CDH4: variants seen among roughly 807,000 people sequenced by gnomAD.
The protein encoded by CDH4 is cadherin 4.
CDH4 carries 33 observed loss-of-function variants against 86.0 expected under a neutral mutation model. The observed-to-expected ratio is 0.38, with a 90% CI of 0.29 to 0.51. CDH4 has a LOEUF of 0.51. CDH4 is among the 20% of genes least tolerant of loss of function. The pLI, the probability that CDH4 is intolerant of heterozygous loss-of-function variation, is 0.86. For missense variants in CDH4, 1,114 were observed against 1,307.4 expected (o/e 0.85, Z 2.28); for synonymous variants, 555 against 549.4 (o/e 1.01, Z -0.14).
At chr20:61,731,542 G>A (rs1341657916) in intron 2 of CDH4, among the ~76,000 whole-genome samples, 1 of 152,220 alleles carries the variant, frequency 6.6e-6, no homozygotes, top group Non-Finnish European at 1.5e-5. Flanking sequence ...AGAGGCTTCA[G>A]GGCAGCCTCA....
rs1251572081 is a variant in CDH4, at chr20:61,709,138, G to C, written c.170-34425G>C. Among the ~76,000 whole-genome samples, 2 of 152,292 alleles carry C rather than the reference G, an allele frequency of 1.3e-5. No individual in the cohort carries two copies. The highest frequency in any genetic ancestry group is 2.4e-5 in the African/African-American group (1 of 41,574). ...CCAGTGGCGTAGCGGCCGCCCAAAT[G>C]ATGAGCCCACAACGCACCTGCCCCT... On this transcript the variant is annotated intron_variant, in intron 2 of 15. Transcript: ENST00000614565. The surrounding 1 kb of genome is among the most constrained non-coding windows in gnomAD (Gnocchi z 4.8).
chr20:61,629,541 G>C (rs1204857352), intron 2 of CDH4, among the ~76,000 whole-genome samples: 1 of 152,224 alleles, frequency 6.6e-6, no homozygotes, highest in Non-Finnish European at 1.5e-5. Context: ...TTTAATTATT[G>C]ATATTTCTTT....
At chr20:61,593,005 G>C (rs2086529146) in intron 2 of CDH4, among the ~76,000 whole-genome samples, 1 of 152,148 alleles carries the variant, frequency 6.6e-6, no homozygotes, top group Admixed American at 6.5e-5. Flanking sequence ...TTATAGGAGG[G>C]GGGCAGGAGG....
chr20:61,824,360 CAA>C (rs559612224), intron 4 of CDH4, among the ~76,000 whole-genome samples: 22 of 113,340 alleles, frequency 1.9e-4, no homozygotes, highest in Admixed American at 9.7e-4. Flanking sequence ...GATAAAAATA[CAA>C]AAAAAAAAAA....
At chr20:61,892,388 C>T (rs1274221164) in intron 7 of CDH4, among the ~76,000 whole-genome samples, 1 of 152,230 alleles carries the variant, frequency 6.6e-6, no homozygotes, top group Non-Finnish European at 1.5e-5. Flanking sequence ...ATGGATGAGA[C>T]AGCCATGGCC....
intron 7 of CDH4, among the ~76,000 whole-genome samples, chr20:61,884,869 T>C (rs957072434): frequency 6.6e-6 from 1 of 152,082 alleles, no homozygotes; most frequent in Non-Finnish European, 1.5e-5. Flanking sequence ...GGACTCAGCC[T>C]GTAGCGGGAG....
intron 4 of CDH4, among the ~76,000 whole-genome samples, chr20:61,839,619 G>A (rs1040301672): frequency 1.3e-5 from 2 of 151,604 alleles, no homozygotes; most frequent in Non-Finnish European, 2.9e-5. Context: ...GTGTGTTTGT[G>A]TACTGTGTGC....
chr20:61,353,535 AC>A (rs2084725521), intron 2 of CDH4, among the ~76,000 whole-genome samples: 1 of 135,606 alleles, frequency 7.4e-6, no homozygotes, highest in South Asian at 2.6e-4. Context: ...ATTCCACAGC[AC>A]TGAGAGTGGA....
At chr20:61,583,686 C>T (rs1034600670) in intron 2 of CDH4, among the ~76,000 whole-genome samples, 1 of 152,200 alleles carries the variant, frequency 6.6e-6, no homozygotes, top group South Asian at 2.1e-4. Flanking sequence ...TCCTTCGTTC[C>T]CTCCTCGTTT....
chr20:61,500,186 C>T (rs558901451), intron 2 of CDH4, among the ~76,000 whole-genome samples: 2 of 152,160 alleles, frequency 1.3e-5, no homozygotes, highest in Admixed American at 6.5e-5. Context: ...GTTCATACTA[C>T]TGTTGTGTTT....
At chr20:61,859,665 C>T (rs571152202) in intron 6 of CDH4, among the ~76,000 whole-genome samples, 7 of 152,372 alleles carry the variant, frequency 4.6e-5, no homozygotes, top group African/African-American at 7.2e-5. Flanking sequence ...GTCCTCCCTC[C>T]GGTGAATTGC....
chr20:61,572,999 C>A (rs113711794), intron 2 of CDH4, among the ~76,000 whole-genome samples: 1 of 139,298 alleles, frequency 7.2e-6, no homozygotes. Flanking sequence ...GACGGACGGA[C>A]GGATGGATGG....
intron 2 of CDH4, among the ~76,000 whole-genome samples, chr20:61,394,871 C>T (rs6089249): frequency 7.3e-6 from 1 of 137,888 alleles, no homozygotes; most frequent in East Asian, 2.1e-4. Flanking sequence ...GGCCATGGGG[C>T]TGTGAGCCCT....
chr20:61,929,955 G>C, intron 13 of CDH4, 113 bp downstream of exon 13: 4 of 781,864 alleles, frequency 5.1e-6, no homozygotes, highest in Non-Finnish European at 8.5e-6. Context: ...TCATCTCTCA[G>C]CCTCATCTGT....
chr20:61,553,749 G>A (rs982621818), intron 2 of CDH4, among the ~76,000 whole-genome samples: 13 of 152,340 alleles, frequency 8.5e-5, no homozygotes, highest in Admixed American at 5.2e-4. Context: ...AGAGGGAACT[G>A]TAACTTCTTC....
chr20:61,486,729 A>AG (rs2085598803), intron 2 of CDH4, among the ~76,000 whole-genome samples: 1 of 151,742 alleles, frequency 6.6e-6, no homozygotes, highest in African/African-American at 2.4e-5. Context: ...ACCTCTTAAA[A>AG]AAAAAATTAA....
At chr20:61,661,206 C>T (rs575510960) in intron 2 of CDH4, among the ~76,000 whole-genome samples, 1 of 152,070 alleles carries the variant, frequency 6.6e-6, no homozygotes, top group African/African-American at 2.4e-5. Flanking sequence ...TGGCTGTCAC[C>T]GTCAGCCGGT....
At chr20:61,394,578 GA>G in intron 2 of CDH4, among the ~76,000 whole-genome samples, 1 of 151,872 alleles carries the variant, frequency 6.6e-6, no homozygotes, top group Non-Finnish European at 1.5e-5. Flanking sequence ...GGGCCGAAGA[GA>G]GCACCAGGGC....
intron 2 of CDH4, among the ~76,000 whole-genome samples, chr20:61,533,976 A>AT (rs760906516): frequency 3.4e-5 from 5 of 147,840 alleles, no homozygotes; most frequent in Non-Finnish European, 7.4e-5. Context: ...TTCAGACAGG[A>AT]ATCCCCACCT....
Sources: gnomAD v4.1 joint callset for allele counts (sites outside exome capture counted in the v4.1 genomes callset) on GRCh38, gnomAD v4.1.1 for gene constraint, Gnocchi (gnomAD v3.1) non-coding constraint, MANE v1.5 for transcripts, NCBI Gene and HGNC (gene_info 2026-07-23, HGNC 2026-07-21) for gene names.